Variants in IDNK observed in about 807,000 individuals in gnomAD.
The protein encoded by IDNK is gluconokinase.
Under a neutral mutation model 13.0 loss-of-function variants are expected in IDNK, and 9 were observed. That is an observed-to-expected ratio of 0.69 (90% CI 0.42 to 1.21). The LOEUF is 1.21. Ranked by LOEUF, IDNK falls within the 50% of genes most tolerant of loss-of-function variation. The probability of loss-of-function intolerance (pLI) is 0.00; values close to 1 mark genes in which losing one functional copy is unlikely to be tolerated. For missense variants in IDNK, 210 were observed against 237.8 expected, an observed-to-expected ratio of 0.88 and a Z score of 0.77; for synonymous variants, 92 against 94.9, an observed-to-expected ratio of 0.97 and a Z score of 0.18.
chr9:83,632,324 A>G (rs113516190), intron 3 of IDNK, among the ~76,000 whole-genome samples: 1 of 152,140 alleles, frequency 6.6e-6, no homozygotes, highest in Non-Finnish European at 1.5e-5. Flanking sequence ...CCATAGGCCA[A>G]GAAAGCTTTC....
At chr9:83,626,615 C>T (rs1425210486) in intron 1 of IDNK, 1 of 866,118 alleles carries the variant, frequency 1.2e-6, no homozygotes, top group Non-Finnish European at 1.6e-6. Flanking sequence ...CGGGGTTTTG[C>T]CATGTTGGCC....
intron 1 of IDNK, among the ~76,000 whole-genome samples, chr9:83,625,412 A>T (rs1830822574): frequency 6.6e-6 from 1 of 152,234 alleles, no homozygotes; most frequent in Admixed American, 6.5e-5. Flanking sequence ...CTTTAGATCT[A>T]ACTGTGGGAA....
intron 3 of IDNK, among the ~76,000 whole-genome samples, chr9:83,635,049 A>T (rs1831127070): frequency 6.6e-6 from 1 of 152,182 alleles, no homozygotes; most frequent in Non-Finnish European, 1.5e-5. Flanking sequence ...TCTTAAATAA[A>T]GCCTTAAAAG....
chr9:83,643,212 A>AC (rs760470482), intron 4 of IDNK, among the ~76,000 whole-genome samples: 18 of 152,332 alleles, frequency 1.2e-4, no homozygotes, highest in Non-Finnish European at 1.9e-4. Context: ...TGATGAACTG[A>AC]CGCTCAGAGA....
intron 3 of IDNK, 105 bp downstream of exon 3, chr9:83,629,064 T>A: frequency 1.2e-6 from 1 of 859,922 alleles, no homozygotes; most frequent in African/African-American, 1.6e-5. Flanking sequence ...AAGGTCACTG[T>A]ACAGGGGCTA....
Position 83,643,841 on chromosome 9 carries a change from C to A in IDNK, c.*61C>A. The A allele has an allele frequency of 2.3e-6, 3 of 1,304,192 alleles. No homozygotes were observed. The highest frequency in any genetic ancestry group is 3.2e-6 in the Non-Finnish European group (3 of 935,888). The allele number at this position is 1,304,192 out of a possible 1,614,324, so 80.8% of individuals were successfully genotyped here. On this transcript the variant is annotated 3_prime_UTR_variant, in exon 5 of 5. Transcript: ENST00000376419. ...GCATAAATCATTGTGCCATCCCAAACCTCGTTCCAGCCGCCTTGCCCATAC... is the reference window on the plus strand; with the variant it reads ...GCATAAATCATTGTGCCATCCCAAAACTCGTTCCAGCCGCCTTGCCCATAC...
chr9:83,642,668 C>T (rs1831344127), intron 4 of IDNK, among the ~76,000 whole-genome samples: 1 of 152,166 alleles, frequency 6.6e-6, no homozygotes. Context: ...TATGCACCAC[C>T]TCTTAACTCT....
chr9:83,623,231 G>A lies in IDNK; in HGVS notation c.50+10G>A. ...TGAGCGGCTCGGGGAAGTAGGTCCGGGAGAGGGCGGGGGGCGCCCGGGACA... is the reference window on the plus strand; with the variant it reads ...TGAGCGGCTCGGGGAAGTAGGTCCGAGAGAGGGCGGGGGGCGCCCGGGACA... On this transcript the variant is annotated intron_variant, in intron 1 of 4. Transcript: ENST00000376419. 7.2e-7 allele frequency: 1 copy of A among 1,394,836 alleles called. No homozygotes were observed. The allele number at this position is 1,394,836 out of a possible 1,614,324, so 86.4% of individuals were successfully genotyped here.
At chr9:83,640,762 T>C (rs1023209814) in intron 3 of IDNK, among the ~76,000 whole-genome samples, 5 of 152,170 alleles carry the variant, frequency 3.3e-5, no homozygotes, top group African/African-American at 1.2e-4. Flanking sequence ...GGAGAATCGC[T>C]TGAACCCAGA....
chr9:83,636,103 T>C (rs184150430), intron 3 of IDNK, among the ~76,000 whole-genome samples: 10 of 152,286 alleles, frequency 6.6e-5, no homozygotes, highest in African/African-American at 2.4e-4. Context: ...CCTGTGAATG[T>C]AGTAGAAAAG....
chr9:83,643,752 C>A lies in IDNK; in HGVS notation c.536C>A (p.Thr179Lys). 6.2e-7 allele frequency: 1 copy of A among 1,610,920 alleles called. No individual in the cohort carries two copies. The highest frequency in any genetic ancestry group is 8.5e-7 in the Non-Finnish European group (1 of 1,178,272). ...VDKNVSEIIA[T>K]IMETLKMK ...AAAAATGTTTCAGAGATAATTGCTACAATTATGGAAACCCTAAAAATGAAA... is the reference window on the plus strand; with the variant it reads ...AAAAATGTTTCAGAGATAATTGCTAAAATTATGGAAACCCTAAAAATGAAA... Residue 179 changes from threonine (T) to lysine (K), a missense_variant, in exon 5 of 5, where the codon ACA (threonine) becomes AAA (lysine). Transcript: ENST00000376419.
intron 3 of IDNK, among the ~76,000 whole-genome samples, chr9:83,631,450 T>TAAAAAAAA (rs1831010078): frequency 2.2e-4 from 2 of 8,972 alleles, no homozygotes; most frequent in Admixed American, 1.4e-3. Flanking sequence ...CTACAAAAAC[T>TAAAAAAAA]GAAAAAAAAA....
At chr9:83,628,256 G>A (rs1221708718) in intron 2 of IDNK, 45 bp downstream of exon 2, 2 of 1,471,534 alleles carry the variant, frequency 1.4e-6, no homozygotes, top group African/African-American at 1.4e-5. Context: ...GTCCCATTGT[G>A]TTCTGGTCTC....
Position 83,643,857 on chromosome 9 carries a change from T to C in IDNK, c.*77T>C. 1 of 1,038,204 alleles carries C rather than the reference T, an allele frequency of 9.6e-7. No individual in the cohort carries two copies. The highest frequency in any genetic ancestry group is 1.4e-6 in the Non-Finnish European group (1 of 712,928). 64.3% of individuals were successfully genotyped at this position (1,038,204 alleles called of 1,614,324 possible). A position where few individuals can be genotyped will look rare whatever the true frequency, so the allele number is the denominator to read the frequency against. On this transcript the variant is annotated 3_prime_UTR_variant, in exon 5 of 5. Transcript: ENST00000376419. ...CATCCCAAACCTCGTTCCAGCCGCC[T>C]TGCCCATACTAGATTCTAAATGTTT...
intron 1 of IDNK, 182 bp downstream of exon 1, chr9:83,623,403 G>T: frequency 1.6e-6 from 1 of 629,166 alleles, no homozygotes; most frequent in Non-Finnish European, 2.7e-6. Flanking sequence ...GCCTGCTCGC[G>T]GGGCGCCCAT....
At chr9:83,624,401 C>G (rs1208010916) in intron 1 of IDNK, among the ~76,000 whole-genome samples, 1 of 152,192 alleles carries the variant, frequency 6.6e-6, no homozygotes, top group African/African-American at 2.4e-5. Flanking sequence ...TGAGCTCAAT[C>G]CTTACTCTAT....
At chr9:83,625,566 A>G (rs1830826271) in intron 1 of IDNK, among the ~76,000 whole-genome samples, 1 of 152,264 alleles carries the variant, frequency 6.6e-6, no homozygotes, top group Admixed American at 6.5e-5. Context: ...GTTATTGACT[A>G]GCTGAGTAAT....
intron 2 of IDNK, 105 bp from the exon 3 acceptor site, chr9:83,628,768 C>G: frequency 1.3e-6 from 1 of 783,544 alleles, no homozygotes; most frequent in Non-Finnish European, 2.2e-6. Flanking sequence ...TGATGGGAAC[C>G]AGGCGGGTGG....
At chr9:83,632,127 T>C (rs1343253852) in intron 3 of IDNK, among the ~76,000 whole-genome samples, 2 of 152,180 alleles carry the variant, frequency 1.3e-5, no homozygotes, top group Admixed American at 6.5e-5. Flanking sequence ...TTCTTCTTTT[T>C]CATGGAGGGG....
Sources: gnomAD v4.1 joint callset for allele counts (sites outside exome capture counted in the v4.1 genomes callset) on GRCh38, gnomAD v4.1.1 for gene constraint, MANE v1.5 for transcripts, NCBI Gene and HGNC (gene_info 2026-07-23, HGNC 2026-07-21) for gene names.